The following KRABD3 variants were observed in gnomAD, a reference collection of about 807,000 sequenced individuals.
KRABD3 encodes KRAB domain-containing protein 3.
At chr7:149,716,351 C>T in the KRABD3 span, among the ~76,000 whole-genome samples, 1 of 152,330 alleles carries the variant, frequency 6.6e-6, no homozygotes, top group African/African-American at 2.4e-5. Flanking sequence ...TGGGTCAGCC[C>T]AGAAAGCTTT....
At chr7:149,730,564 T>A in the KRABD3 span, 3 of 1,611,588 alleles carry the variant, frequency 1.9e-6, no homozygotes, top group South Asian at 3.3e-5. Context: ...GCGGCCTCGG[T>A]GCAGGTGAGC....
chr7:149,724,874 G>A, the KRABD3 span: 2 of 1,526,526 alleles, frequency 1.3e-6, no homozygotes, highest in Non-Finnish European at 1.8e-6. Flanking sequence ...TGGCTGCTCT[G>A]GTGGTCTTCC....
the KRABD3 span, chr7:149,721,455 A>T: frequency 5.6e-5 from 91 of 1,612,434 alleles, 1 homozygote; most frequent in Middle Eastern, 6.8e-4. Flanking sequence ...AGCCAGCCCC[A>T]CCTGGCCACC....
chr7:149,730,582 C>A, the KRABD3 span: 1 of 1,608,686 alleles, frequency 6.2e-7, no homozygotes, highest in Non-Finnish European at 8.5e-7. Flanking sequence ...AGCCTGGGGT[C>A]TCCTGAGGGG....
chr7:149,720,030 C>G, the KRABD3 span: 1 of 1,550,376 alleles, frequency 6.5e-7, no homozygotes, highest in South Asian at 1.2e-5. Flanking sequence ...TGCTCCCCCT[C>G]TCTGCTTTCC....
the KRABD3 span, chr7:149,721,421 A>G: frequency 1.2e-6 from 2 of 1,611,822 alleles, no homozygotes; most frequent in Non-Finnish European, 1.7e-6. Flanking sequence ...AGGCCTGCTC[A>G]GCTGCCTTCC....
chr7:149,728,553 G>C, the KRABD3 span: 2 of 1,613,558 alleles, frequency 1.2e-6, no homozygotes, highest in South Asian at 2.2e-5. Flanking sequence ...CCACTGCAGG[G>C]TCTGGAGAAT....
At chr7:149,720,606 CAG>C in the KRABD3 span, among the ~76,000 whole-genome samples, 1 of 152,226 alleles carries the variant, frequency 6.6e-6, no homozygotes, top group African/African-American at 2.4e-5. Flanking sequence ...TAACGTAGAA[CAG>C]AGGAGCCCTG....
At chr7:149,719,510 T>G in the KRABD3 span, 20 of 1,531,412 alleles carry the variant, frequency 1.3e-5, no homozygotes, top group Non-Finnish European at 1.7e-5. This position sits in a 1 kb window ranked among gnomAD's most constrained non-coding sequence, Gnocchi z 5.6. Context: ...CCCTCTGGGA[T>G]GGAACAACCA....
the KRABD3 span, chr7:149,723,591 C>A: frequency 1.3e-6 from 1 of 755,792 alleles, no homozygotes; most frequent in Non-Finnish European, 2.1e-6. Context: ...TGGACCCAGG[C>A]ACTGGGAAGA....
the KRABD3 span, chr7:149,730,237 G>A: frequency 1.3e-6 from 2 of 1,565,480 alleles, no homozygotes; most frequent in East Asian, 2.4e-5. Flanking sequence ...GCCTGCGTGG[G>A]AGGCCCCAGC....
chr7:149,730,619 G>T, the KRABD3 span: 2 of 1,590,272 alleles, frequency 1.3e-6, no homozygotes, highest in Non-Finnish European at 8.6e-7. Context: ...CAGAGGACCA[G>T]GAGTCCAGAC....
chr7:149,730,048 T>A, the KRABD3 span: 3,347 of 1,406,512 alleles, frequency 2.4e-3, 72 homozygotes, highest in African/African-American at 0.042. Flanking sequence ...GATCGTGGGC[T>A]GAGCTGAAAA....
chr7:149,725,577 C>A, the KRABD3 span: 2 of 1,330,372 alleles, frequency 1.5e-6, no homozygotes, highest in South Asian at 1.5e-5. Context: ...TTGTGTTCCC[C>A]GGCCTCCTGA....
At chr7:149,724,676 C>T in the KRABD3 span, 6 of 1,545,058 alleles carry the variant, frequency 3.9e-6, no homozygotes, top group African/African-American at 4.1e-5. Context: ...CTGACCCCTC[C>T]TCCCCATCCT....
the KRABD3 span, chr7:149,723,914 A>C: frequency 6.2e-7 from 1 of 1,610,062 alleles, no homozygotes; most frequent in African/African-American, 1.3e-5. Flanking sequence ...CTGGGCTGGG[A>C]GGGCCCCCAG....
At chr7:149,732,894 T>C in the KRABD3 span, among the ~76,000 whole-genome samples, 1 of 152,100 alleles carries the variant, frequency 6.6e-6, no homozygotes, top group East Asian at 1.9e-4. The surrounding 1 kb of genome is among the most constrained non-coding windows in gnomAD (Gnocchi z 4.0). Flanking sequence ...CCATTTGGTC[T>C]CATCAACAAC....
chr7:149,715,069 A>G, the KRABD3 span: 1 of 1,230,248 alleles, frequency 8.1e-7, no homozygotes, highest in Non-Finnish European at 1.0e-6. Flanking sequence ...CGCGCCAGGT[A>G]AGGCAGGCGG....
At chr7:149,730,294 G>T in the KRABD3 span, 1 of 1,550,278 alleles carries the variant, frequency 6.5e-7, no homozygotes, top group African/African-American at 1.4e-5. Flanking sequence ...GGCTCTGAAG[G>T]AGAAGACCCG....
Sources: gnomAD v4.1 joint callset for allele counts (sites outside exome capture counted in the v4.1 genomes callset) on GRCh38, gnomAD v4.1.1 for gene constraint, Gnocchi (gnomAD v3.1) non-coding constraint, MANE v1.5 for transcripts, NCBI Gene and HGNC (gene_info 2026-07-23, HGNC 2026-07-21) for gene names.